FSTL4: variants seen among roughly 807,000 people sequenced by gnomAD.
FSTL4 encodes follistatin like 4, also known as follistatin-related protein 4.
Under a neutral mutation model 78.2 loss-of-function variants are expected in FSTL4, and 28 were observed. The ratio of observed to expected loss-of-function variants is 0.36; its 90% confidence interval spans 0.27 to 0.49. The LOEUF is 0.49. Among genes scored for constraint, FSTL4 ranks in the 20% least tolerant of loss-of-function variants. The pLI is 0.98. For missense variants in FSTL4, 922 were observed against 1,084.9 expected, an observed-to-expected ratio of 0.85 and a Z score of 2.11; for synonymous variants, 422 against 440.5, an observed-to-expected ratio of 0.96 and a Z score of 0.53.
chr5:133,450,251 T>C (rs1757353571), intron 3 of FSTL4, among the ~76,000 whole-genome samples: 1 of 152,210 alleles, frequency 6.6e-6, no homozygotes, highest in African/African-American at 2.4e-5. Flanking sequence ...AGACCAGCTG[T>C]AGGGTCCATT....
the FSTL4 span, among the ~76,000 whole-genome samples, chr5:133,748,065 G>A: frequency 1.1e-3 from 174 of 152,058 alleles, no homozygotes; most frequent in African/African-American, 4.0e-3. Context: ...GTGGTGGCAC[G>A]TGCCTGTAGT....
At chr5:133,613,294 T>A (rs1256692845), upstream of FSTL4, among the ~76,000 whole-genome samples, 1 of 152,188 alleles carries the variant, frequency 6.6e-6, no homozygotes, top group Non-Finnish European at 1.5e-5. Context: ...GTAGCCTCAG[T>A]CTGGCAGGAA....
the FSTL4 span, among the ~76,000 whole-genome samples, chr5:133,628,013 C>T: frequency 6.6e-6 from 1 of 151,972 alleles, no homozygotes; most frequent in African/African-American, 2.4e-5. Context: ...AACTGAACAA[C>T]CTGGGTAAAT....
intron 3 of FSTL4, among the ~76,000 whole-genome samples, chr5:133,519,986 T>C (rs1758942596): frequency 6.6e-6 from 1 of 152,214 alleles, no homozygotes; most frequent in African/African-American, 2.4e-5. Flanking sequence ...CAACTCTGTA[T>C]TGAAAGAGTA....
At chr5:133,378,812 G>T (rs1755502360) in intron 4 of FSTL4, among the ~76,000 whole-genome samples, 1 of 151,956 alleles carries the variant, frequency 6.6e-6, no homozygotes, top group African/African-American at 2.4e-5. Context: ...TGCTACAACA[G>T]AAAATGTTCA....
At chr5:133,818,326 T>A in the FSTL4 span, among the ~76,000 whole-genome samples, 2 of 152,154 alleles carry the variant, frequency 1.3e-5, no homozygotes, top group Non-Finnish European at 2.9e-5. Context: ...AGCAGCCCCA[T>A]CACAGAGCCC....
At chr5:133,595,653 C>G (rs1760722431) in intron 2 of FSTL4, among the ~76,000 whole-genome samples, 1 of 152,210 alleles carries the variant, frequency 6.6e-6, no homozygotes, top group African/African-American at 2.4e-5. Context: ...GCACAGTCTT[C>G]TTGACAGCCA....
chr5:133,640,086 A>G, the FSTL4 span, among the ~76,000 whole-genome samples: 18 of 152,228 alleles, frequency 1.2e-4, no homozygotes, highest in Non-Finnish European at 2.5e-4. Flanking sequence ...AGGAGCCTAC[A>G]GTTATCACAG....
chr5:133,481,067 G>A (rs1251690722), intron 3 of FSTL4, among the ~76,000 whole-genome samples: 1 of 152,290 alleles, frequency 6.6e-6, no homozygotes, highest in East Asian at 1.9e-4. Flanking sequence ...GGCCTAATAA[G>A]CCCTAACAAG....
the FSTL4 span, among the ~76,000 whole-genome samples, chr5:133,621,559 C>T: frequency 6.6e-5 from 10 of 152,096 alleles, no homozygotes; most frequent in African/African-American, 2.4e-4. Context: ...TATAAGGACA[C>T]AAAGGCATGA....
the FSTL4 span, among the ~76,000 whole-genome samples, chr5:133,778,828 G>A: frequency 1.1e-4 from 17 of 152,332 alleles, 1 homozygote; most frequent in South Asian, 1.4e-3. Flanking sequence ...AGACCTCACC[G>A]TCCTGCCCAG....
intron 3 of FSTL4, among the ~76,000 whole-genome samples, chr5:133,505,461 C>T (rs1473885876): frequency 6.6e-6 from 1 of 152,136 alleles, no homozygotes; most frequent in Non-Finnish European, 1.5e-5. Flanking sequence ...AAGGTGCCTG[C>T]CCCAGTAGGT....
chr5:133,749,733 C>A, the FSTL4 span, among the ~76,000 whole-genome samples: 1 of 152,186 alleles, frequency 6.6e-6, no homozygotes, highest in African/African-American at 2.4e-5. Context: ...ATGTATCTGG[C>A]AGTCAAGCTC....
At chr5:133,634,421 A>G in the FSTL4 span, among the ~76,000 whole-genome samples, 1 of 149,086 alleles carries the variant, frequency 6.7e-6, no homozygotes, top group Non-Finnish European at 1.5e-5. Context: ...ACCTGTTGGC[A>G]TTTCCAGATT....
intron 6 of FSTL4, among the ~76,000 whole-genome samples, chr5:133,257,417 G>A (rs767336541): frequency 6.6e-6 from 1 of 152,168 alleles, no homozygotes; most frequent in South Asian, 2.1e-4. Flanking sequence ...TATCCTCCTT[G>A]TTTGCAGGAG....
intron 6 of FSTL4, among the ~76,000 whole-genome samples, chr5:133,260,306 G>A (rs1752488071): frequency 6.6e-6 from 1 of 152,224 alleles, no homozygotes; most frequent in Non-Finnish European, 1.5e-5. Context: ...ACTGGGTCCT[G>A]AAAGAACATG....
At chr5:133,599,480 A>C (rs1024259449) in intron 2 of FSTL4, among the ~76,000 whole-genome samples, 1 of 152,182 alleles carries the variant, frequency 6.6e-6, no homozygotes, top group Non-Finnish European at 1.5e-5. Context: ...CTGAAAACCC[A>C]TGGTGTCTGA....
intron 3 of FSTL4, among the ~76,000 whole-genome samples, chr5:133,434,179 G>A (rs1317809741): frequency 6.6e-6 from 1 of 152,174 alleles, no homozygotes; most frequent in East Asian, 1.9e-4. Context: ...TAGTAGTGGT[G>A]ATGAGAGAAG....
chr5:133,422,877 C>A (rs1756730407), intron 3 of FSTL4, among the ~76,000 whole-genome samples: 1 of 152,232 alleles, frequency 6.6e-6, no homozygotes, highest in African/African-American at 2.4e-5. Context: ...AAAACTCTTG[C>A]CACGTTTATT....
Sources: gnomAD v4.1 joint callset for allele counts (sites outside exome capture counted in the v4.1 genomes callset) on GRCh38, gnomAD v4.1.1 for gene constraint, MANE v1.5 for transcripts, NCBI Gene and HGNC (gene_info 2026-07-23, HGNC 2026-07-21) for gene names.